Variants in RNF213 observed in about 807,000 individuals in gnomAD.
RNF213 encodes ring finger protein 213.
Under a neutral mutation model 514.4 loss-of-function variants are expected in RNF213, and 341 were observed. The ratio of observed to expected loss-of-function variants is 0.66; its 90% CI spans 0.61 to 0.73. The LOEUF is 0.73. RNF213 is among the 30% of genes least tolerant of loss of function. The pLI is 0.00. For missense variants in RNF213, 5,767 were observed against 6,615.6 expected (o/e 0.87, Z 4.45); for synonymous variants, 2,655 against 2,658.2 (o/e 1.00, Z 0.04).
rs533228329 is a variant in RNF213, at chr17:80,348,483, T to C, written c.9951+197T>C. On this transcript the variant is annotated intron_variant, in intron 29 of 67. Transcript: ENST00000582970. ...GTGCTGAGTGCCTGGCTCTGTGCAG[T>C]GCACCATGCTGGTAACAGCACCATA... Among the ~76,000 whole-genome samples the C allele has an allele frequency of 9.8e-5, 15 of 152,360 alleles. No homozygotes were observed. In the South Asian group the frequency reaches 2.9e-3, roughly 29 times the overall value.
At chr17:80,352,720 G>C in intron 32 of RNF213, 1 of 692,958 alleles carries the variant, frequency 1.4e-6, no homozygotes, top group Non-Finnish European at 2.6e-6. Context: ...TACCGTTGCT[G>C]CTTATGGTGA....
intron 8 of RNF213, among the ~76,000 whole-genome samples, chr17:80,292,198 T>C (rs12450169): frequency 0.17 from 25,325 of 151,982 alleles, 3,693 homozygotes; most frequent in African/African-American, 0.38. Context: ...AGTTCTCCTG[T>C]CTCAGCCTCC....
At chr17:80,276,879 C>A (rs1375806433) in intron 3 of RNF213, among the ~76,000 whole-genome samples, 1 of 151,516 alleles carries the variant, frequency 6.6e-6, no homozygotes, top group East Asian at 2.0e-4. Context: ...GGTGAAACCC[C>A]GTCTCTACTA....
intron 18 of RNF213, among the ~76,000 whole-genome samples, chr17:80,325,683 C>A (rs1002035172): frequency 6.6e-6 from 1 of 151,770 alleles, no homozygotes; most frequent in Non-Finnish European, 1.5e-5. Flanking sequence ...TTCCCCCCAG[C>A]CCCCCGCGCC....
Position 80,354,099 on chromosome 17 carries a change from C to G in RNF213, c.10659C>G (p.Ser3553Arg). 1.9e-6 allele frequency: 3 copies of G among 1,614,118 alleles called. No individual in the cohort carries two copies. The highest frequency in any genetic ancestry group is 2.5e-6 in the Non-Finnish European group (3 of 1,180,044). The change falls in exon 35 of 68, where the codon AGC (serine) becomes AGG (arginine). Residue 3553 changes from serine (S) to arginine (R), a missense_variant. By Grantham distance (110) the Ser-to-Arg change is moderately radical (BLOSUM62 -1). Around this residue, in one of 13 missense-constraint regions of RNF213, gnomAD observed 919 missense variants for 1,121.0 expected, o/e 0.82. Coordinates refer to ENST00000582970, the MANE Select transcript of RNF213 (RefSeq NM_001256071.3). ...GCATGCTCAGAGACCAGAACGAGAG[C>G]TGCACGCGCAATATGCGGAGGGTGG... The part of the protein sequence containing the change: ...AVGMLRDQNE[S>R]CTRNMRRVVL...
rs577223820 is a variant in RNF213 at position 80,340,456 on chromosome 17, G to T, written c.5989+100G>T. The T allele has an allele frequency of 1.3e-4, 145 of 1,141,642 alleles. 1 individual carries two copies. Among genetic ancestry groups the T allele is most frequent in the Non-Finnish European group, 2.4e-5 (19 of 796,680 alleles). The allele number at this position is 1,141,642 out of a possible 1,614,324, so 70.7% of individuals were successfully genotyped here. ...AAGCCTGTCTGCAGGTGGAGAAACCGAGGCTCAGGGAGGGTGTGATTCATC... is the reference window on the plus strand; with the variant it reads ...AAGCCTGTCTGCAGGTGGAGAAACCTAGGCTCAGGGAGGGTGTGATTCATC... On this transcript the variant is annotated intron_variant, in intron 26 of 67. Transcript: ENST00000582970.
intron 67 of RNF213, 109 bp from the exon 68 acceptor site, chr17:80,393,236 C>T (rs184831757): frequency 6.3e-6 from 7 of 1,112,850 alleles, no homozygotes; most frequent in East Asian, 4.9e-5. Context: ...CCACCTCAGC[C>T]TCCCACAGTG....
At position 80,377,658 on chromosome 17, in the gene RNF213, C is replaced by G; in HGVS notation, c.13511-104C>G. On this transcript the variant is annotated intron_variant, in intron 53 of 67. Transcript: ENST00000582970. The surrounding 1 kb of genome is among the most constrained non-coding windows in gnomAD (Gnocchi z 4.1). ...GTGGGATGCTCTGGACAGTCATTCT[C>G]ATATTGTGGTCAGGGCCAGAGAGTA... The G allele has an allele frequency of 8.1e-7, 1 of 1,236,274 alleles. No homozygotes were observed. The highest frequency in any genetic ancestry group is 1.2e-6 in the Non-Finnish European group (1 of 835,314). The allele number at this position is 1,236,274 out of a possible 1,614,324, so 76.6% of individuals were successfully genotyped here. A position where few individuals can be genotyped will look rare whatever the true frequency, so the allele number is the denominator to read the frequency against.
rs12944385 is a variant in RNF213, at chr17:80,383,800, A to G, written c.14194A>G (p.Lys4732Glu). ...GACCTTCCTGCCCCACCTGCCCCGGAAAAGTGTGGTCCATTGCTCTAAGAT... is the reference window on the plus strand; with the variant it reads ...GACCTTCCTGCCCCACCTGCCCCGGGAAAGTGTGGTCCATTGCTCTAAGAT... ...PVTFLPHLPR[K>E]SVVHCSKIWS... The change falls in exon 59 of 68, where the codon AAA becomes GAA. Residue 4732 changes from lysine to glutamate, a missense_variant. Lys to Glu is a moderately conservative substitution (Grantham distance 56). Coordinates refer to ENST00000582970, the MANE Select transcript of RNF213 (RefSeq NM_001256071.3). 16,264 of 1,614,168 alleles carry G rather than the reference A, an allele frequency of 0.01. 112 individuals carry two copies. Among genetic ancestry groups the G allele is most frequent in the Non-Finnish European group, 0.012 (14,075 of 1,180,030 alleles).
intron 58 of RNF213, 45 bp from the exon 59 acceptor site, chr17:80,383,632 C>T: frequency 6.2e-7 from 1 of 1,608,476 alleles, no homozygotes; most frequent in Non-Finnish European, 8.5e-7. Flanking sequence ...CTGTTTGTAG[C>T]AATACCTCAC....
At position 80,332,429 on chromosome 17, in the gene RNF213, A is replaced by T; in HGVS notation, c.3941A>T (p.Tyr1314Phe). The T allele has an allele frequency of 1.3e-6, 2 of 1,537,222 alleles. No individual in the cohort carries two copies. Among genetic ancestry groups the T allele is most frequent in the Non-Finnish European group, 1.7e-6 (2 of 1,146,918 alleles). ...DVIFKDFVNK[Y>F]TDLDSELKIM... Reference sequence around the variant, plus strand: ...ATCTTCAAGGACTTTGTGAATAAATACACGGACCTGGATTCAGAACTTAAG... The same window carrying T: ...ATCTTCAAGGACTTTGTGAATAAATTCACGGACCTGGATTCAGAACTTAAG... Residue 1314 changes from tyrosine (Y) to phenylalanine (F), a missense_variant, in exon 21 of 68, where the codon TAC becomes TTC. By Grantham distance (22) the Tyr-to-Phe change is conservative. Transcript: ENST00000582970.
At chr17:80,279,198 C>G (rs1189201039) in intron 3 of RNF213, among the ~76,000 whole-genome samples, 1 of 152,224 alleles carries the variant, frequency 6.6e-6, no homozygotes, top group Non-Finnish European at 1.5e-5. Flanking sequence ...CAGCTGTCCC[C>G]TTGGACACCT....
intron 3 of RNF213, among the ~76,000 whole-genome samples, chr17:80,277,084 A>C (rs2044089207): frequency 6.6e-6 from 1 of 151,950 alleles, no homozygotes; most frequent in Non-Finnish European, 1.5e-5. Flanking sequence ...CAAAAAAAAA[A>C]CAAAAAAAGA....
rs2144216806 is a variant in RNF213, at chr17:80,352,605, T to C, written c.10304-335T>C. On this transcript the variant is annotated intron_variant, in intron 32 of 67. Transcript: ENST00000582970. ...GAATGGAAGGCAGACCTTGCCAGTG[T>C]CCCCCACCCCTCACTAACTGTGATA... is the stretch of plus-strand genomic sequence containing the variant. 3 of 574,726 alleles carry C rather than the reference T, an allele frequency of 5.2e-6. No homozygotes were observed. In the East Asian group the frequency reaches 8.4e-5, roughly 16 times the overall value. 35.6% of individuals were successfully genotyped at this position (574,726 alleles called of 1,614,324 possible). A position where few individuals can be genotyped will look rare whatever the true frequency, so the allele number is the denominator to read the frequency against.
chr17:80,363,983 G>C (rs2079154690), intron 41 of RNF213, among the ~76,000 whole-genome samples, 193 bp downstream of exon 41: 1 of 152,224 alleles, frequency 6.6e-6, no homozygotes, highest in Non-Finnish European at 1.5e-5. Flanking sequence ...CTGGAGACAC[G>C]AGAGGCGGCT....
intron 11 of RNF213, among the ~76,000 whole-genome samples, chr17:80,305,253 A>G (rs1211597619): frequency 6.8e-6 from 1 of 146,638 alleles, no homozygotes; most frequent in African/African-American, 2.6e-5. Flanking sequence ...ATCTTGGCTC[A>G]CCGCAACCTC....
chr17:80,278,975 ACGG>A, intron 3 of RNF213: 1 of 1,525,542 alleles, frequency 6.6e-7, no homozygotes, highest in Non-Finnish European at 8.8e-7. Flanking sequence ...ACAGCCTGGC[ACGG>A]CCACCTCGCA....
intron 7 of RNF213, among the ~76,000 whole-genome samples, chr17:80,291,302 G>A (rs2044720822): frequency 7.4e-6 from 1 of 134,520 alleles, no homozygotes; most frequent in South Asian, 2.3e-4. Context: ...TTGCTCTGTT[G>A]CCTAGGCTGG....
At position 80,306,423 on chromosome 17, in the gene RNF213, G is replaced by C; in HGVS notation, c.2382G>C (p.Gly794=). 2 of 1,614,158 alleles carry C rather than the reference G, an allele frequency of 1.2e-6. No individual in the cohort carries two copies. Among genetic ancestry groups the C allele is most frequent in the Non-Finnish European group, 1.7e-6 (2 of 1,180,038 alleles). ...FPAHILDCLS[G]IYYRLPGLEQ... ...CTCATATCCTGGACTGTCTTTCAGG[G>C]ATTTACTACCGGCTTCCGGGACTTG... The change falls in exon 12 of 68, where the codon GGG becomes GGC. Residue 794 remains glycine (G), a synonymous_variant. Transcript: ENST00000582970.
Sources: gnomAD v4.1 joint callset for allele counts (sites outside exome capture counted in the v4.1 genomes callset) on GRCh38, gnomAD v4.1.1 for gene constraint, gnomAD v4.1.1 regional missense constraint, Gnocchi (gnomAD v3.1) non-coding constraint, MANE v1.5 for transcripts, NCBI Gene and HGNC (gene_info 2026-07-23, HGNC 2026-07-21) for gene names.